Variants in FRYL observed in about 807,000 individuals in gnomAD.
FRYL encodes protein furry homolog-like.
Under a neutral mutation model 351.2 loss-of-function variants are expected in FRYL, and 150 were observed. The ratio of observed to expected loss-of-function variants is 0.43; its 90% CI spans 0.37 to 0.49. The LOEUF is 0.49. FRYL is among the 20% of genes least tolerant of loss of function. The pLI is 0.00. For missense variants in FRYL, 3,036 were observed against 3,619.3 expected, an observed-to-expected ratio of 0.84 and a Z score of 4.13; for synonymous variants, 1,153 against 1,257.1, an observed-to-expected ratio of 0.92 and a Z score of 1.75.
Position 48,512,516 on chromosome 4 carries a change from C to G in FRYL, c.8110G>C (p.Val2704Leu). 6.2e-7 allele frequency: 1 copy of G among 1,614,040 alleles called. No homozygotes were observed. The highest frequency in any genetic ancestry group is 8.5e-7 in the Non-Finnish European group (1 of 1,179,920). ...MLSDTDGSSAVFTFHVFSRLF... is the reference protein window; with the variant it reads ...MLSDTDGSSALFTFHVFSRLF... ...CTAGAAAACACATGAAAAGTAAACA[C>G]TGCAGAGGACCCGTCGGTGTCAGAC... The change falls in exon 57 of 64, where the codon GTG (valine) becomes CTG (leucine). Residue 2704 changes from valine to leucine, a missense_variant. Physicochemically the swap from Val to Leu is conservative, Grantham distance 32 (BLOSUM62 1). Coordinates refer to ENST00000358350, the MANE Select transcript of FRYL (RefSeq NM_015030.2).
Position 48,581,530 on chromosome 4 carries a change from C to A in FRYL, c.2062G>T (p.Glu688Ter). 6.2e-7 allele frequency: 1 copy of A among 1,614,018 alleles called. No individual in the cohort carries two copies. The highest frequency in any genetic ancestry group is 8.5e-7 in the Non-Finnish European group (1 of 1,179,960). Residue 688 changes from glutamate to a stop codon, truncating the protein, a stop_gained, in exon 21 of 64, where the codon GAA becomes TAA. Coordinates refer to ENST00000358350, the MANE Select transcript of FRYL (RefSeq NM_015030.2). LOFTEE classifies it high-confidence loss of function. ...SPYSNVFHVV[E>*]GFALVILCSS... Reference sequence around the variant, plus strand: ...CAGAGAATGACAAGCGCAAAGCCTTCAACCACATGGAATACATTGGAATAT... The same window carrying A: ...CAGAGAATGACAAGCGCAAAGCCTTAAACCACATGGAATACATTGGAATAT...
At chr4:48,776,866 G>C (rs1776077410) in intron 1 of FRYL, among the ~76,000 whole-genome samples, 1 of 152,076 alleles carries the variant, frequency 6.6e-6, no homozygotes, top group Admixed American at 6.6e-5. Context: ...TCTAAAATCT[G>C]CTAAAGCCAT....
rs1740879174 is a variant in FRYL, at chr4:48,581,425, G to C, written c.2167C>G (p.Pro723Ala). Reference protein sequence around the residue: ...IRALFALLEIPKGDDELAIDV... With the variant: ...IRALFALLEIAKGDDELAIDV... ...ATGAAATACCTAAATCTTACCTTAG[G>C]TATTTCCAGAAGTGCAAATAAAGCC... Residue 723 changes from proline (P) to alanine (A), a missense_variant, in exon 21 of 64, where the codon CCT (proline) becomes GCT (alanine). Pro to Ala is a conservative substitution (Grantham distance 27). Transcript: ENST00000358350. The C allele has an allele frequency of 6.2e-7, 1 of 1,603,080 alleles. No homozygotes were observed. Among genetic ancestry groups the C allele is most frequent in the Non-Finnish European group, 8.5e-7 (1 of 1,176,072 alleles).
chr4:48,608,270 T>G (rs1445552211), intron 9 of FRYL, among the ~76,000 whole-genome samples: 1 of 152,200 alleles, frequency 6.6e-6, no homozygotes, highest in Non-Finnish European at 1.5e-5. Context: ...TGTACTTGCC[T>G]TCTTAGAATT....
At chr4:48,625,614 A>T (rs557870518) in intron 4 of FRYL, among the ~76,000 whole-genome samples, 3 of 152,334 alleles carry the variant, frequency 2.0e-5, no homozygotes, top group African/African-American at 7.2e-5. Flanking sequence ...GATTTAAAGT[A>T]TACAGGAGGA....
chr4:48,688,423 T>A (rs967071464), intron 2 of FRYL, among the ~76,000 whole-genome samples: 1 of 152,184 alleles, frequency 6.6e-6, no homozygotes, highest in African/African-American at 2.4e-5. Context: ...TCACAAATAA[T>A]CAAGCGCAGG....
intron 2 of FRYL, among the ~76,000 whole-genome samples, chr4:48,704,328 T>A (rs1320104456): frequency 6.6e-6 from 1 of 152,090 alleles, no homozygotes; most frequent in Non-Finnish European, 1.5e-5. Flanking sequence ...TCAATATCAC[T>A]CACAAAGGGG....
intron 54 of FRYL, among the ~76,000 whole-genome samples, 182 bp from the exon 55 acceptor site, chr4:48,521,397 T>C (rs1225289057): frequency 6.6e-6 from 1 of 152,216 alleles, no homozygotes; most frequent in Non-Finnish European, 1.5e-5. Flanking sequence ...AGCTAATCCC[T>C]CGGTAGAACT....
intron 49 of FRYL, 42 bp from the exon 50 acceptor site, chr4:48,531,395 C>T (rs553723965): frequency 1.2e-4 from 152 of 1,248,948 alleles, no homozygotes; most frequent in Middle Eastern, 1.9e-4. Context: ...TACAAATGCA[C>T]ATTCAACTAA....
intron 43 of FRYL, 126 bp downstream of exon 43, chr4:48,544,657 A>C (rs1325803647): frequency 2.9e-6 from 2 of 679,278 alleles, no homozygotes; most frequent in Non-Finnish European, 4.5e-6. Flanking sequence ...TGTTATCATT[A>C]ATAAATTAAA....
In FRYL at chr4:48,511,025, G is replaced by A. The variant is rs1324108418; in HGVS notation, c.8146-41C>T. ...GAAGAAAGAGTTTAGTGTTTCATAA[G>A]AAGGCCTTTTTTCATCTTTAAGTAA... On this transcript the variant is annotated intron_variant, in intron 57 of 63. Transcript: ENST00000358350. 3.4e-6 allele frequency: 5 copies of A among 1,478,202 alleles called. No homozygotes were observed. The South Asian group carries it at 4.9e-5, about 14-fold the overall frequency. The allele number at this position is 1,478,202 out of a possible 1,614,324, so 91.6% of individuals were successfully genotyped here.
chr4:48,632,305 A>G (rs1321110442), intron 4 of FRYL, among the ~76,000 whole-genome samples: 1 of 149,776 alleles, frequency 6.7e-6, no homozygotes, highest in Non-Finnish European at 1.5e-5. Flanking sequence ...TTATACCATA[A>G]TCTTTAGTTT....
chr4:48,608,911 G>T, intron 9 of FRYL, 76 bp downstream of exon 9: 1 of 872,866 alleles, frequency 1.1e-6, no homozygotes, highest in South Asian at 1.4e-5. Flanking sequence ...CGAACTATCA[G>T]TATCTATTGT....
chr4:48,544,840 C>T lies in FRYL; in HGVS notation c.5344G>A (p.Glu1782Lys), dbSNP rs1219725530. Residue 1782 changes from glutamate (E) to lysine (K), a missense_variant, in exon 43 of 64, where the codon GAA (glutamate) becomes AAA (lysine). Glu to Lys is a moderately conservative substitution (Grantham distance 56). This residue lies in a region of FRYL where 1,987 missense variants were observed against 2,311.7 expected (regional missense o/e 0.86). Transcript: ENST00000358350. ...SAKNPSIKSA[E>K]QLTTFLKHVV... is the part of the protein sequence containing the mutation. ...TGTTTCAAAAATGTAGTTAACTGTTCAGCACTCTTTATGCTAGGATTCTTG... is the reference window on the plus strand; with the variant it reads ...TGTTTCAAAAATGTAGTTAACTGTTTAGCACTCTTTATGCTAGGATTCTTG... The T allele has an allele frequency of 6.2e-7, 1 of 1,610,478 alleles. No individual in the cohort carries two copies. The highest frequency in any genetic ancestry group is 1.1e-5 in the South Asian group (1 of 90,258).
chr4:48,550,782 T>A, intron 37 of FRYL, 78 bp from the exon 38 acceptor site: 1 of 1,101,830 alleles, frequency 9.1e-7, no homozygotes, highest in Non-Finnish European at 1.4e-6. Context: ...TTTCTCTGTT[T>A]AAAAAAGGAG....
intron 50 of FRYL, among the ~76,000 whole-genome samples, chr4:48,528,768 G>T (rs929180583): frequency 1.3e-5 from 2 of 152,094 alleles, no homozygotes; most frequent in Non-Finnish European, 2.9e-5. Context: ...TGTCAAGTAT[G>T]CTTCAGCAAT....
chr4:48,618,884 C>G (rs989638209), intron 7 of FRYL: 3 of 162,524 alleles, frequency 1.8e-5, no homozygotes, highest in African/African-American at 7.2e-5. Context: ...CACCCCATGC[C>G]TCTACTAAAA....
At chr4:48,560,990 C>A (rs188971693) in intron 33 of FRYL, among the ~76,000 whole-genome samples, 1 of 152,126 alleles carries the variant, frequency 6.6e-6, no homozygotes, top group Non-Finnish European at 1.5e-5. Context: ...TTGATGTAGG[C>A]GACAAGCAAC....
intron 13 of FRYL, among the ~76,000 whole-genome samples, chr4:48,598,550 A>T (rs1353523658): frequency 6.6e-6 from 1 of 152,216 alleles, no homozygotes; most frequent in Non-Finnish European, 1.5e-5. Context: ...TAACAGCTAG[A>T]TAATGTATGT....
Sources: allele counts gnomAD v4.1 joint callset (sites outside exome capture counted in the v4.1 genomes callset), GRCh38; gene constraint gnomAD v4.1.1; regional missense constraint gnomAD v4.1.1; transcripts MANE v1.5; gene names NCBI Gene and HGNC (gene_info 2026-07-23, HGNC 2026-07-21).